TOP2A: variants seen among roughly 807,000 people sequenced by gnomAD.
The protein encoded by TOP2A is DNA topoisomerase 2-alpha.
TOP2A carries 68 observed loss-of-function variants against 187.2 expected under a neutral mutation model. That is an observed-to-expected ratio of 0.36 (90% CI 0.30 to 0.44). TOP2A has a LOEUF of 0.44. Ranked by LOEUF, TOP2A falls within the 20% of genes least tolerant of loss-of-function variation. The pLI, the probability that TOP2A is intolerant of heterozygous loss-of-function variation, is 1.00. For missense variants in TOP2A, 1,196 were observed against 1,808.7 expected (o/e 0.66, Z 6.14); for synonymous variants, 542 against 593.2 (o/e 0.91, Z 1.25).
At position 40,389,952 on chromosome 17, in the gene TOP2A, G is replaced by A. The variant is rs760987885; in HGVS notation, c.4467+13C>T. On this transcript the variant is annotated intron_variant, in intron 34 of 34. Transcript: ENST00000423485. ...CATCTACAGCAAAAGGACTGACTAG[G>A]ATCAACACTCACCTTGCTTGTGACT... 6.2e-7 allele frequency: 1 copy of A among 1,609,458 alleles called. No homozygotes were observed.
rs778529043 is a variant in TOP2A, at chr17:40,389,586, G to GC, written c.4528dup (p.Ala1510GlyfsTer18). On this transcript the variant is annotated frameshift_variant, in exon 35 of 35. Coordinates refer to ENST00000423485, the MANE Select transcript of TOP2A (RefSeq NM_001067.4). LOFTEE classifies it high-confidence loss of function. The stretch of plus-strand genomic sequence containing the variant: ...AGGTTTCTTTGCCCGTACAGATTTT[G>GC]CCCGAGGAGCCACAGCTGAGTCAAA... 2.5e-6 allele frequency: 4 copies of GC among 1,605,540 alleles called. No homozygotes were observed. Among genetic ancestry groups the GC allele is most frequent in the Non-Finnish European group, 2.6e-6 (3 of 1,175,770 alleles).
chr17:40,417,800 T>A lies in TOP2A; in HGVS notation c.-9A>T. The A allele has an allele frequency of 6.2e-7, 1 of 1,613,146 alleles. No individual in the cohort carries two copies. The highest frequency in any genetic ancestry group is 8.5e-7 in the Non-Finnish European group (1 of 1,179,772). ...AATGGTGACACTTCCATGGTGACGG[T>A]CGTGAAGGGGCTCAAGAACCCTGAA... On this transcript the variant is annotated 5_prime_UTR_variant, in exon 1 of 35. Coordinates refer to ENST00000423485, the MANE Select transcript of TOP2A (RefSeq NM_001067.4).
Position 40,399,910 on chromosome 17 carries a change from C to T in TOP2A, c.3158G>A (p.Arg1053His), listed in dbSNP as rs776759121. ...AESAKLNNQA[R>H]FILEKIDGKI... is the part of the protein sequence containing the mutation. Reference sequence around the variant, plus strand: ...GCCATCTATTTTCTCTAAGATAAAGCGAGCCTGATTATTCAGTTTAGCAGA... The same window carrying T: ...GCCATCTATTTTCTCTAAGATAAAGTGAGCCTGATTATTCAGTTTAGCAGA... The change falls in exon 24 of 35, where the codon CGC (arginine) becomes CAC (histidine). Residue 1053 changes from arginine (R) to histidine (H), a missense_variant. Arg to His is a conservative substitution (Grantham distance 29). Transcript: ENST00000423485. 1.4e-5 allele frequency: 22 copies of T among 1,608,568 alleles called. No individual in the cohort carries two copies. Among genetic ancestry groups the T allele is most frequent in the Admixed American group, 6.8e-5 (4 of 58,636 alleles).
chr17:40,403,834 C>G (rs138366775), intron 19 of TOP2A, among the ~76,000 whole-genome samples: 1 of 152,290 alleles, frequency 6.6e-6, no homozygotes, highest in African/African-American at 2.4e-5. Context: ...GAAGTTACAG[C>G]ACTGATTCCA....
chr17:40,412,004 C>T (rs1046268033), intron 7 of TOP2A, among the ~76,000 whole-genome samples, 186 bp from the exon 8 acceptor site: 1 of 151,762 alleles, frequency 6.6e-6, no homozygotes, highest in Admixed American at 6.6e-5. Context: ...CCACCCTGGG[C>T]AACATAGTGA....
rs200731186 is a variant in TOP2A, at chr17:40,411,065, A to G, written c.1203+44T>C. 6.2e-4 allele frequency: 959 copies of G among 1,536,112 alleles called. 3 individuals carry two copies. The highest frequency in any genetic ancestry group is 1.8e-3 in the Admixed American group (79 of 45,074). On this transcript the variant is annotated intron_variant, in intron 10 of 34. Transcript: ENST00000423485. The surrounding 1 kb of genome is among the most constrained non-coding windows in gnomAD (Gnocchi z 4.4). ...GCAGAGCTAAGAAGTGCAATGGAAA[A>G]TAAAGTCAGGTGTTTCTATTTTTAT...
chr17:40,412,386 C>T (rs2035333024), intron 7 of TOP2A, among the ~76,000 whole-genome samples: 1 of 152,118 alleles, frequency 6.6e-6, no homozygotes, highest in Admixed American at 6.5e-5. Flanking sequence ...TGGCTCATGC[C>T]TGTAATCCCA....
Position 40,389,649 on chromosome 17 carries a change from T to C in TOP2A, c.4468-2A>G. ...GTCATCACTCTCCCCCTTGGATTTCTAAAAGAGAAAAGCCCAGGTAACTTG... is the reference window on the plus strand; with the variant it reads ...GTCATCACTCTCCCCCTTGGATTTCCAAAAGAGAAAAGCCCAGGTAACTTG... On this transcript the variant is annotated splice_acceptor_variant, in intron 34 of 34. Transcript: ENST00000423485. LOFTEE classifies it high-confidence loss of function. 1 of 1,607,508 alleles carries C rather than the reference T, an allele frequency of 6.2e-7. No homozygotes were observed. The highest frequency in any genetic ancestry group is 8.5e-7 in the Non-Finnish European group (1 of 1,177,412).
At chr17:40,407,717 GA>G in intron 12 of TOP2A, 43 bp from the exon 13 acceptor site, 2 of 1,513,534 alleles carry the variant, frequency 1.3e-6, no homozygotes, top group Non-Finnish European at 1.8e-6. Context: ...TTATAAATTT[GA>G]AAAGAACAAA....
intron 4 of TOP2A, among the ~76,000 whole-genome samples, chr17:40,414,854 CA>C (rs531134947): frequency 0.073 from 3,500 of 47,624 alleles, 39 homozygotes; most frequent in African/African-American, 0.098. Context: ...AAAACTCCAT[CA>C]AAAAAAAAAA....
chr17:40,400,908 A>C lies in TOP2A; in HGVS notation c.2606T>G (p.Val869Gly). ...CCTGATGTTATTTACAATTTCACGCACATCAAAGTTGGGGATTTTGCAGGA... is the reference window on the plus strand; with the variant it reads ...CCTGATGTTATTTACAATTTCACGCCCATCAAAGTTGGGGATTTTGCAGGA... ...GWSCKIPNFD[V>G]REIVNNIRRL... Residue 869 changes from valine (V) to glycine (G), a missense_variant, in exon 21 of 35, where the codon GTG becomes GGG. Physicochemically the swap from Val to Gly is moderately radical, Grantham distance 109. This residue lies in a region of TOP2A where 232 missense variants were observed against 306.1 expected (regional missense o/e 0.76). Transcript: ENST00000423485. 1 of 1,614,008 alleles carries C rather than the reference A, an allele frequency of 6.2e-7. No individual in the cohort carries two copies. Among genetic ancestry groups the C allele is most frequent in the African/African-American group, 1.3e-5 (1 of 75,052 alleles).
chr17:40,398,783 C>T lies in TOP2A; in HGVS notation c.3443G>A (p.Arg1148Lys), dbSNP rs191959305. ...CTACTATCAACTCACTTTTTCATTT[C>T]TTAGCCTGCAGAGTTCATCTTTCTT... ...KEKKDELCRL[R>K]NEKEQELDTL... The change falls in exon 26 of 35, where the codon AGA becomes AAA. Residue 1148 changes from arginine to lysine, a missense_variant. Transcript: ENST00000423485. The T allele has an allele frequency of 1.4e-5, 22 of 1,606,826 alleles. No homozygotes were observed. In the East Asian group the frequency reaches 3.8e-4, roughly 28 times the overall value.
chr17:40,391,630 A>G lies in TOP2A; in HGVS notation c.4143T>C (p.Ala1381=). Residue 1381 remains alanine, a synonymous_variant, in exon 33 of 35, where the codon GCT becomes GCC. Coordinates refer to ENST00000423485, the MANE Select transcript of TOP2A (RefSeq NM_001067.4). ...PQKSVVSDLE[A]DDVKGSVPLS... The stretch of plus-strand genomic sequence containing the variant: ...GTGGTACACTGCCCTTAACATCATC[A>G]GCTTCAAGGTCTATTATTTCAAATG... 1 of 1,593,904 alleles carries G rather than the reference A, an allele frequency of 6.3e-7. No individual in the cohort carries two copies. Among genetic ancestry groups the G allele is most frequent in the Non-Finnish European group, 8.5e-7 (1 of 1,173,234 alleles).
In TOP2A at chr17:40,391,999, A is replaced by G; in HGVS notation, c.4132+69T>C. ...GAAGTACTTGGATAATGTAGCCAGG[A>G]TTAGAACCCAGTTGGATCTGAGTGT... On this transcript the variant is annotated intron_variant, in intron 32 of 34. Transcript: ENST00000423485. 3 of 1,515,202 alleles carry G rather than the reference A, an allele frequency of 2.0e-6. No individual in the cohort carries two copies. The Admixed American group carries it at 6.3e-5, about 32-fold the overall frequency. The allele number at this position is 1,515,202 out of a possible 1,614,324, so 93.9% of individuals were successfully genotyped here. A position where few individuals can be genotyped will look rare whatever the true frequency, so the allele number is the denominator to read the frequency against.
Position 40,391,125 on chromosome 17 carries a change from A to G in TOP2A, c.4267+381T>C, listed in dbSNP as rs114524257. The G allele has an allele frequency of 6.0e-3, 1,020 of 168,734 alleles. 9 individuals carry two copies. The highest frequency in any genetic ancestry group is 0.023 in the African/African-American group (965 of 41,230). The allele number at this position is 168,734 out of a possible 1,614,324, so 10.5% of individuals were successfully genotyped here. On this transcript the variant is annotated intron_variant, in intron 33 of 34. Transcript: ENST00000423485. ...CTGGAGTGCAGTGGCTTGATCATAT[A>G]GCTCACTGCAGCCTTGAACTCCTGG... is the stretch of plus-strand genomic sequence containing the variant.
chr17:40,391,215 C>T (rs2035018678), intron 33 of TOP2A: 1 of 258,868 alleles, frequency 3.9e-6, no homozygotes, highest in Non-Finnish European at 7.3e-6. Context: ...GCCACTCTGC[C>T]TGGCTTTTGT....
In TOP2A at chr17:40,403,086, G is replaced by A. The variant is rs1274752311; in HGVS notation, c.2284-32C>T. On this transcript the variant is annotated intron_variant, in intron 19 of 34. Transcript: ENST00000423485. ...GGAAAAAAAGATTCATTAAGCTGAG[G>A]CTTTTACTAATACAAATACATTATG... 4 of 1,562,820 alleles carry A rather than the reference G, an allele frequency of 2.6e-6. No individual in the cohort carries two copies. The South Asian group carries it at 4.7e-5, about 18-fold the overall frequency.
chr17:40,391,336 G>T, intron 33 of TOP2A, 170 bp downstream of exon 33: 1 of 650,574 alleles, frequency 1.5e-6, no homozygotes, highest in Non-Finnish European at 2.5e-6. Context: ...TTTTGGAACA[G>T]CCTTGACTAC....
intron 23 of TOP2A, 49 bp from the exon 24 acceptor site, chr17:40,400,116 A>AC (rs1278505780): frequency 6.3e-7 from 1 of 1,592,328 alleles, no homozygotes. Flanking sequence ...AATTGGCTAA[A>AC]CTTTATAAAG....
Sources: allele counts gnomAD v4.1 joint callset (sites outside exome capture counted in the v4.1 genomes callset), GRCh38; gene constraint gnomAD v4.1.1; regional missense constraint gnomAD v4.1.1; non-coding constraint Gnocchi (gnomAD v3.1); transcripts MANE v1.5; gene names NCBI Gene and HGNC (gene_info 2026-07-23, HGNC 2026-07-21).